The following CNPY1 variants were observed in gnomAD, a reference collection of about 807,000 sequenced individuals.
CNPY1 encodes canopy FGF signaling regulator 1, also known as protein canopy homolog 1.
In CNPY1, 14 loss-of-function variants were observed where a neutral mutation model predicts 14.4. The ratio of observed to expected loss-of-function variants is 0.97; its 90% confidence interval spans 0.64 to 1.52. The LOEUF is 1.52. Ranked by LOEUF, CNPY1 falls within the 40% of genes most tolerant of loss-of-function variation. The pLI, the probability that CNPY1 is intolerant of heterozygous loss-of-function variation, is 0.00. For missense variants in CNPY1, 129 were observed against 131.5 expected, an observed-to-expected ratio of 0.98 and a Z score of 0.09; for synonymous variants, 43 against 46.5, an observed-to-expected ratio of 0.92 and a Z score of 0.31.
chr7:155,533,488 A>T (rs748334331), intron 2 of CNPY1, among the ~76,000 whole-genome samples: 2 of 152,186 alleles, frequency 1.3e-5, no homozygotes, highest in Admixed American at 1.3e-4. Flanking sequence ...TCAGAATGAC[A>T]GCGAGGTGCA....
Position 155,507,084 on chromosome 7 carries a change from T to G in CNPY1, c.336A>C (p.Glu112Asp), listed in dbSNP as rs759814781. 5 of 1,610,370 alleles carry G rather than the reference T, an allele frequency of 3.1e-6. No individual in the cohort carries two copies. Among genetic ancestry groups the G allele is most frequent in the Non-Finnish European group, 4.2e-6 (5 of 1,177,032 alleles). The change falls in exon 4 of 5, where the codon GAA (glutamate) becomes GAC (aspartate). Residue 112 changes from glutamate (E) to aspartate (D), a missense_variant. Transcript: ENST00000636446. ...CETIIEEYED[E>D]ISSLIAQETH... ...TCTCCTGGGCGATAAGTGAGGATATTTCATCTTCATACTCTTCTATTATAG... is the reference window on the plus strand; with the variant it reads ...TCTCCTGGGCGATAAGTGAGGATATGTCATCTTCATACTCTTCTATTATAG...
intron 2 of CNPY1, among the ~76,000 whole-genome samples, chr7:155,514,115 C>T (rs928608011): frequency 1.7e-4 from 26 of 152,270 alleles, no homozygotes; most frequent in African/African-American, 5.8e-4. Flanking sequence ...AGTGACAGTA[C>T]GTAAAAAGGC....
chr7:155,521,470 G>T (rs554816483), intron 2 of CNPY1, among the ~76,000 whole-genome samples: 6 of 152,146 alleles, frequency 3.9e-5, no homozygotes, highest in Non-Finnish European at 7.3e-5. Flanking sequence ...CTGCACAAGG[G>T]TCCTGCTGGA....
chr7:155,527,058 T>C lies in CNPY1; in HGVS notation c.100-17961A>G, dbSNP rs10262077. 3.1e-3 allele frequency among the ~76,000 whole-genome samples: 123 copies of C among 39,490 alleles called. 3 individuals are homozygous for C. The highest frequency in any genetic ancestry group is 7.7e-3 in the East Asian group (12 of 1,566). 25.9% of individuals were successfully genotyped at this position (39,490 alleles called of 152,430 possible). On this transcript the variant is annotated intron_variant, in intron 2 of 4. Transcript: ENST00000636446. ...TCTTTCTTTCTTTCTTTCTTTCTTT[T>C]TTTTTTTTTTTTTGAGACAGTCTTG...
intron 2 of CNPY1, among the ~76,000 whole-genome samples, chr7:155,531,567 C>G (rs925847956): frequency 6.6e-6 from 1 of 152,194 alleles, no homozygotes; most frequent in Non-Finnish European, 1.5e-5. Flanking sequence ...CTCTCTGCAG[C>G]TTAGGATATC....
chr7:155,529,449 G>A (rs147388243), intron 2 of CNPY1, among the ~76,000 whole-genome samples: 88 of 152,308 alleles, frequency 5.8e-4, no homozygotes, highest in Non-Finnish European at 1.2e-3. Context: ...CTGGAGACCA[G>A]GAGGCCAACA....
intron 2 of CNPY1, among the ~76,000 whole-genome samples, chr7:155,544,925 A>G (rs1449974760): frequency 2.0e-5 from 3 of 152,178 alleles, no homozygotes; most frequent in Non-Finnish European, 4.4e-5. Context: ...GCGCATTAGA[A>G]GCCTGAGGTA....
chr7:155,530,800 C>T (rs1022628994), intron 2 of CNPY1, among the ~76,000 whole-genome samples: 1 of 152,220 alleles, frequency 6.6e-6, no homozygotes, highest in Non-Finnish European at 1.5e-5. Context: ...CCGCCCTGTG[C>T]ACTGCGGTGC....
chr7:155,546,408 G>A, intron 1 of CNPY1, 21 bp downstream of exon 1: 1 of 397,358 alleles, frequency 2.5e-6, no homozygotes, highest in Non-Finnish European at 4.4e-6. Context: ...GGTAGGTCTT[G>A]AACTCAAGCC....
At chr7:155,517,275 C>T (rs1796639123) in intron 2 of CNPY1, among the ~76,000 whole-genome samples, 1 of 151,870 alleles carries the variant, frequency 6.6e-6, no homozygotes, top group South Asian at 2.1e-4. Context: ...GAGGGACGGC[C>T]ATGTGAGGAC....
chr7:155,539,579 A>G (rs1797060884), intron 2 of CNPY1, among the ~76,000 whole-genome samples: 1 of 152,176 alleles, frequency 6.6e-6, no homozygotes, highest in Non-Finnish European at 1.5e-5. Flanking sequence ...GTTGTTTCAT[A>G]GTACATAATG....
chr7:155,531,735 C>CA (rs1354073078), intron 2 of CNPY1, among the ~76,000 whole-genome samples: 3 of 152,220 alleles, frequency 2.0e-5, no homozygotes, highest in Admixed American at 2.0e-4. Context: ...ACCAGGCAGA[C>CA]AGCAAACAGG....
At position 155,502,307 on chromosome 7, in the gene CNPY1, T is replaced by C. The variant is rs1167974772; in HGVS notation, c.*761A>G. The stretch of plus-strand genomic sequence containing the variant: ...AAATGTGAGCCAAAAAAAAAACGTT[T>C]AGAAGAAAAACAAACAAGCCAGAAG... On this transcript the variant is annotated 3_prime_UTR_variant, in exon 5 of 5. Transcript: ENST00000636446. 1 of 151,538 alleles carries C rather than the reference T, an allele frequency of 6.6e-6. No homozygotes were observed. The highest frequency in any genetic ancestry group is 2.4e-5 in the African/African-American group (1 of 41,204). 9.4% of individuals were successfully genotyped at this position (151,538 alleles called of 1,614,324 possible).
chr7:155,542,378 C>T (rs1001603858), intron 2 of CNPY1, among the ~76,000 whole-genome samples: 4 of 152,116 alleles, frequency 2.6e-5, no homozygotes, highest in African/African-American at 7.2e-5. Flanking sequence ...TGCTCATGGG[C>T]GGGCGTAGGG....
intron 2 of CNPY1, among the ~76,000 whole-genome samples, chr7:155,522,029 G>A (rs1043862578): frequency 4.6e-5 from 7 of 152,216 alleles, no homozygotes; most frequent in Admixed American, 3.9e-4. Flanking sequence ...GGGCACAACC[G>A]AGGTTCCTCT....
At chr7:155,514,975 T>C (rs957941842) in intron 2 of CNPY1, among the ~76,000 whole-genome samples, 2 of 152,156 alleles carry the variant, frequency 1.3e-5, no homozygotes, top group Non-Finnish European at 1.5e-5. Flanking sequence ...AACTGGATGA[T>C]GAGTCAGGAA....
chr7:155,516,016 TGTCC>T (rs1240150196), intron 2 of CNPY1, among the ~76,000 whole-genome samples: 1 of 151,908 alleles, frequency 6.6e-6, no homozygotes, highest in African/African-American at 2.4e-5. Context: ...CGCGTGTGTG[TGTCC>T]CCCCTCCTCT....
At chr7:155,533,780 C>A (rs545206601) in intron 2 of CNPY1, 2 of 152,340 alleles carry the variant, frequency 1.3e-5, no homozygotes, top group East Asian at 3.9e-4. Context: ...TAGTACAGTC[C>A]GTCCTTCACG....
At chr7:155,530,036 G>A (rs1796909429) in intron 2 of CNPY1, among the ~76,000 whole-genome samples, 1 of 151,956 alleles carries the variant, frequency 6.6e-6, no homozygotes, top group South Asian at 2.1e-4. Context: ...ACCCACCTCA[G>A]CCTCCCAAAT....
Sources: allele counts gnomAD v4.1 joint callset (sites outside exome capture counted in the v4.1 genomes callset), GRCh38; gene constraint gnomAD v4.1.1; transcripts MANE v1.5; gene names NCBI Gene and HGNC (gene_info 2026-07-23, HGNC 2026-07-21).